The following RBM4B variants were observed in gnomAD, a reference collection of about 807,000 sequenced individuals.
RBM4B encodes RNA-binding protein 4B.
RBM4B carries 13 observed loss-of-function variants against 28.5 expected under a neutral mutation model. The observed-to-expected ratio is 0.46, with a 90% CI of 0.30 to 0.72. RBM4B has a LOEUF of 0.72. RBM4B is among the 30% of genes least tolerant of loss of function. RBM4B has a pLI of 0.09. For missense variants in RBM4B, 387 were observed against 477.6 expected, an observed-to-expected ratio of 0.81 and a Z score of 1.77; for synonymous variants, 167 against 179.1, an observed-to-expected ratio of 0.93 and a Z score of 0.54.
chr11:66,667,931 T>A (rs1224685266), intron 3 of RBM4B: 1 of 152,536 alleles, frequency 6.6e-6, no homozygotes, highest in Non-Finnish European at 1.5e-5. Context: ...GGTCTTGAAC[T>A]CCTGGGCTCA....
rs769037595 is a variant in RBM4B at position 66,665,050 on chromosome 11, A to G, written c.*538T>C. 2 of 152,562 alleles carry G rather than the reference A, an allele frequency of 1.3e-5. No homozygotes were observed. The highest frequency in any genetic ancestry group is 4.1e-4 in the South Asian group (2 of 4,850). The allele number at this position is 152,562 out of a possible 1,614,324, so 9.5% of individuals were successfully genotyped here. On this transcript the variant is annotated 3_prime_UTR_variant, in exon 4 of 4. Coordinates refer to ENST00000310046, the MANE Select transcript of RBM4B (RefSeq NM_031492.4). ...AAAAAATTTTTTTAAAAAAGGGAGG[A>G]GTGGAGTAAAACAAGGGTAAATTTC...
Position 66,665,574 on chromosome 11 carries a change from C to T in RBM4B, c.*14G>A. 1 of 1,535,768 alleles carries T rather than the reference C, an allele frequency of 6.5e-7. No individual in the cohort carries two copies. ...GCCCGAGGGTTCAGTCCGCAATTAT[C>T]CTACCTGAAAGAGAGCACAACACAA... On this transcript the variant is annotated 3_prime_UTR_variant, in exon 4 of 4. Coordinates refer to ENST00000310046, the MANE Select transcript of RBM4B (RefSeq NM_031492.4).
intron 2 of RBM4B, among the ~76,000 whole-genome samples, chr11:66,674,184 T>C (rs79073768): frequency 0.049 from 7,457 of 151,450 alleles, 316 homozygotes; most frequent in East Asian, 0.11. Flanking sequence ...TTTCTTTTTT[T>C]TTTTTTTTTA....
At chr11:66,670,611 T>C (rs1939429022) in intron 2 of RBM4B, among the ~76,000 whole-genome samples, 1 of 151,868 alleles carries the variant, frequency 6.6e-6, no homozygotes, top group Non-Finnish European at 1.5e-5. Flanking sequence ...AGAAAAGGAG[T>C]ATTCCTGGCA....
chr11:66,675,169 A>T (rs1341295818), intron 2 of RBM4B, among the ~76,000 whole-genome samples: 1 of 152,274 alleles, frequency 6.6e-6, no homozygotes, highest in Non-Finnish European at 1.5e-5. Flanking sequence ...TTTTCTAACC[A>T]GAATAGAAAC....
chr11:66,669,346 C>T, intron 2 of RBM4B, 55 bp from the exon 3 acceptor site: 1 of 1,526,976 alleles, frequency 6.5e-7, no homozygotes, highest in Non-Finnish European at 9.0e-7. Context: ...ATTCTTTTTC[C>T]TCTCCTCCCC....
At chr11:66,666,144 T>C (rs1939224631) in intron 3 of RBM4B, 14 of 740,518 alleles carry the variant, frequency 1.9e-5, no homozygotes, top group Admixed American at 3.6e-5. Flanking sequence ...ACAGTTCCAG[T>C]AGTTCCCCTA....
At chr11:66,675,736 A>G (rs186805906) in intron 2 of RBM4B, 2 of 152,348 alleles carry the variant, frequency 1.3e-5, no homozygotes, top group Non-Finnish European at 1.5e-5. Context: ...AGAATGTTCT[A>G]TGATGATGGA....
chr11:66,671,013 A>C, intron 2 of RBM4B: 1 of 702,632 alleles, frequency 1.4e-6, no homozygotes, highest in South Asian at 1.5e-5. Flanking sequence ...TGAGGACGGC[A>C]GCCAGAACAG....
At chr11:66,670,243 C>G (rs1034915144) in intron 2 of RBM4B, among the ~76,000 whole-genome samples, 2 of 134,444 alleles carry the variant, frequency 1.5e-5, no homozygotes, top group South Asian at 2.8e-4. Flanking sequence ...CCCCGACCCC[C>G]CCAAGGCTAC....
At chr11:66,668,289 C>G (rs1939320863) in intron 3 of RBM4B, 1 of 235,480 alleles carries the variant, frequency 4.2e-6, no homozygotes, top group Non-Finnish European at 8.3e-6. Flanking sequence ...AGATGATATA[C>G]AGAGGGCACA....
chr11:66,674,519 A>G (rs745639966), intron 2 of RBM4B, among the ~76,000 whole-genome samples: 43 of 148,784 alleles, frequency 2.9e-4, no homozygotes, highest in Non-Finnish European at 5.3e-4. Flanking sequence ...GAGCCACAGC[A>G]CCCGGCCTGT....
chr11:66,668,246 G>C (rs1472653002), intron 3 of RBM4B: 3 of 178,576 alleles, frequency 1.7e-5, no homozygotes, highest in African/African-American at 7.1e-5. Flanking sequence ...TCCCTTCTCT[G>C]TAAAAGAATA....
rs1227467774 is a variant in RBM4B, at chr11:66,668,527, A to C, written c.*9+88T>G. 3.9e-6 allele frequency: 4 copies of C among 1,024,706 alleles called. No individual in the cohort carries two copies. In the African/African-American group the frequency reaches 6.4e-5, roughly 16 times the overall value. 63.5% of individuals were successfully genotyped at this position (1,024,706 alleles called of 1,614,324 possible). Reference sequence around the variant, plus strand: ...ACCTTTTGGATACTGTCCGGAGAGCACAGGTGGCTCTAGCCACTTTTATGA... The same window carrying C: ...ACCTTTTGGATACTGTCCGGAGAGCCCAGGTGGCTCTAGCCACTTTTATGA... On this transcript the variant is annotated intron_variant, in intron 3 of 3. Coordinates refer to ENST00000310046, the MANE Select transcript of RBM4B (RefSeq NM_031492.4).
intron 1 of RBM4B, chr11:66,677,407 G>C (rs539205516): frequency 2.6e-6 from 1 of 381,296 alleles, no homozygotes; most frequent in Non-Finnish European, 4.8e-6. Flanking sequence ...CAAAGGCAAG[G>C]GGCATCAATC....
At position 66,665,261 on chromosome 11, in the gene RBM4B, G is replaced by C; in HGVS notation, c.*327C>G. 2.7e-6 allele frequency: 1 copy of C among 366,006 alleles called. No homozygotes were observed. The highest frequency in any genetic ancestry group is 3.4e-5 in the South Asian group (1 of 29,106). 22.7% of individuals were successfully genotyped at this position (366,006 alleles called of 1,614,324 possible). A position where few individuals can be genotyped will look rare whatever the true frequency, so the allele number is the denominator to read the frequency against. On this transcript the variant is annotated 3_prime_UTR_variant, in exon 4 of 4. Transcript: ENST00000310046. ...GGAAAGGAGATGCTGCAGGTAGGCA[G>C]GGAGAAGGATTCAACTCCTAGGGAA...
intron 3 of RBM4B, chr11:66,667,654 T>C (rs759651216): frequency 6.6e-5 from 10 of 152,000 alleles, no homozygotes; most frequent in Non-Finnish European, 1.0e-4. Flanking sequence ...AGGTATGATA[T>C]TAGAAGAGTT....
intron 2 of RBM4B, chr11:66,676,458 C>T: frequency 1.6e-6 from 1 of 625,212 alleles, no homozygotes; most frequent in South Asian, 2.1e-5. Context: ...TGATTCTATG[C>T]AGTCGGTGAG....
At chr11:66,677,430 G>T (rs887428507) in intron 1 of RBM4B, 5 of 322,446 alleles carry the variant, frequency 1.6e-5, no homozygotes, top group Non-Finnish European at 2.9e-5. Flanking sequence ...AGTGCGCCTG[G>T]TAACAAGGTT....
Sources: allele counts gnomAD v4.1 joint callset (sites outside exome capture counted in the v4.1 genomes callset), GRCh38; gene constraint gnomAD v4.1.1; transcripts MANE v1.5; gene names NCBI Gene and HGNC (gene_info 2026-07-23, HGNC 2026-07-21).